RUBCNL: variants seen among roughly 807,000 people sequenced by gnomAD.
RUBCNL encodes the protein rubicon like autophagy enhancer, also known as protein associated with UVRAG as autophagy enhancer.
RUBCNL carries 62 observed loss-of-function variants against 69.5 expected under a neutral mutation model. That is an observed-to-expected ratio of 0.89 (90% CI 0.73 to 1.10). The LOEUF is 1.10. Among genes scored for constraint, RUBCNL ranks in the 50% least tolerant of loss-of-function variants. The pLI is 0.00. For synonymous variants in RUBCNL, 291 were observed against 303.6 expected (o/e 0.96, Z 0.43); for missense variants, 768 against 798.1 (o/e 0.96, Z 0.45).
intron 5 of RUBCNL, among the ~76,000 whole-genome samples, chr13:46,363,654 T>G (rs937194037): frequency 3.3e-5 from 5 of 151,788 alleles, no homozygotes; most frequent in Middle Eastern, 3.2e-3. Context: ...GGAGTTCAAG[T>G]CCAGCCTGGG....
chr13:46,350,105 C>A lies in RUBCNL; in HGVS notation c.1569+8G>T, dbSNP rs376183982. The A allele has an allele frequency of 1.3e-6, 2 of 1,539,612 alleles. No individual in the cohort carries two copies. Among genetic ancestry groups the A allele is most frequent in the South Asian group, 1.2e-5 (1 of 84,042 alleles). On this transcript the variant is annotated splice_region_variant and intron_variant, in intron 11 of 14. Coordinates refer to ENST00000429979, the MANE Select transcript of RUBCNL (RefSeq NM_025113.5). ...AATGAGAGGGATGGGGTTGGGGCTG[C>A]GGCTCACCTTCACTCTGTCCAGCTC...
chr13:46,360,388 A>G (rs1402542770), intron 8 of RUBCNL, among the ~76,000 whole-genome samples: 1 of 152,240 alleles, frequency 6.6e-6, no homozygotes, highest in African/African-American at 2.4e-5. Context: ...TCAAATTAGC[A>G]TTCTACATCC....
chr13:46,351,955 G>A (rs2477602), intron 10 of RUBCNL, among the ~76,000 whole-genome samples: 60,811 of 150,872 alleles, frequency 0.4, 12,950 homozygotes, highest in East Asian at 0.59. Context: ...CAGCCTCCCC[G>A]GTAGTTGGGA....
At chr13:46,365,814 A>G (rs1250115546) in intron 5 of RUBCNL, among the ~76,000 whole-genome samples, 9 of 152,238 alleles carry the variant, frequency 5.9e-5, no homozygotes, top group African/African-American at 2.2e-4. Context: ...AAAGCTCAGC[A>G]AGCCATTATA....
At position 46,341,635 on chromosome 13, in the gene RUBCNL, C is replaced by CT. The variant is rs1160106969; in HGVS notation, c.*1749dup. 5.3e-5 allele frequency among the ~76,000 whole-genome samples: 8 copies of CT among 152,220 alleles called. No homozygotes were observed. Among genetic ancestry groups the CT allele is most frequent in the African/African-American group, 1.9e-4 (8 of 41,466 alleles). On this transcript the variant is annotated 3_prime_UTR_variant, in exon 15 of 15. Transcript: ENST00000429979. ...TGAGCACAGAGCCCTTCAAGCAATG[C>CT]TTGAGCCATAGCAGCTGCCTTAAAT...
chr13:46,338,919 T>C lies in RUBCNL; in HGVS notation c.*4466A>G, dbSNP rs527672438. On this transcript the variant is annotated 3_prime_UTR_variant, in exon 15 of 15. Transcript: ENST00000429979. ...AAAATTAGCTGGGCATGGTGGCACA[T>C]GCCTGTGGTCCCAGCTACTAGGGAA... Among the ~76,000 whole-genome samples the C allele has an allele frequency of 1.4e-4, 21 of 151,952 alleles. No homozygotes were observed. The highest frequency in any genetic ancestry group is 2.5e-4 in the Non-Finnish European group (17 of 67,986).
chr13:46,373,772 T>C (rs2048930634), intron 2 of RUBCNL, among the ~76,000 whole-genome samples: 1 of 152,230 alleles, frequency 6.6e-6, no homozygotes, highest in South Asian at 2.1e-4. Flanking sequence ...GGGCTGTAAA[T>C]ACCATTGCTG....
intron 12 of RUBCNL, among the ~76,000 whole-genome samples, chr13:46,347,531 A>G (rs2048272808): frequency 6.6e-6 from 1 of 152,206 alleles, no homozygotes; most frequent in Non-Finnish European, 1.5e-5. Flanking sequence ...TTGGTTAGAC[A>G]TGCCTCCCTA....
In RUBCNL at chr13:46,338,552, G is replaced by A. The variant is rs1198921204; in HGVS notation, c.*4833C>T. Among the ~76,000 whole-genome samples, 2 of 152,232 alleles carry A rather than the reference G, an allele frequency of 1.3e-5. No individual in the cohort carries two copies. Among genetic ancestry groups the A allele is most frequent in the South Asian group, 2.1e-4 (1 of 4,824 alleles). On this transcript the variant is annotated 3_prime_UTR_variant, in exon 15 of 15. Transcript: ENST00000429979. ...AACAGGAGGGGTGGGGGCTTTGGGTGCGCTTGCCCTTTGTCTCCTCACCAA... is the reference window on the plus strand; with the variant it reads ...AACAGGAGGGGTGGGGGCTTTGGGTACGCTTGCCCTTTGTCTCCTCACCAA...
rs1387641394 is a variant in RUBCNL at position 46,345,617 on chromosome 13, A to G, written c.1632-17T>C. 2 of 1,612,412 alleles carry G rather than the reference A, an allele frequency of 1.2e-6. No individual in the cohort carries two copies. The highest frequency in any genetic ancestry group is 4.5e-5 in the East Asian group (2 of 44,844). Reference sequence around the variant, plus strand: ...TTTAATGCACTGCCAGAGAGGAAACAAAGAGGAATTCAGAAACCCACCCAC... The same window carrying G: ...TTTAATGCACTGCCAGAGAGGAAACGAAGAGGAATTCAGAAACCCACCCAC... On this transcript the variant is annotated splice_polypyrimidine_tract_variant and intron_variant, in intron 12 of 14. Transcript: ENST00000429979.
intron 3 of RUBCNL, 72 bp from the exon 4 acceptor site, chr13:46,368,887 A>G (rs2138789180): frequency 1.9e-6 from 2 of 1,069,294 alleles, no homozygotes; most frequent in Admixed American, 2.1e-5. Context: ...TAAAACAATT[A>G]TAGGAAGTGG....
At position 46,349,317 on chromosome 13, in the gene RUBCNL, T is replaced by A. The variant is rs773347899; in HGVS notation, c.1600A>T (p.Lys534Ter). The A allele has an allele frequency of 1.9e-6, 3 of 1,613,728 alleles. No individual in the cohort carries two copies. The change falls in exon 12 of 15, where the codon AAG becomes TAG. Residue 534 changes from lysine (K) to a stop codon, truncating the protein, a stop_gained. Coordinates refer to ENST00000429979, the MANE Select transcript of RUBCNL (RefSeq NM_025113.5). LOFTEE classifies it high-confidence loss of function. ...EIQEQLFHIK[K>*]LLKTCRFANS... ...GCAAACCTACAGGTCTTCAACAGCTTCTTGATATGGAAGAGCTGCTCCTGA... is the reference window on the plus strand; with the variant it reads ...GCAAACCTACAGGTCTTCAACAGCTACTTGATATGGAAGAGCTGCTCCTGA...
intron 12 of RUBCNL, 54 bp downstream of exon 12, chr13:46,349,232 T>C (rs1031511069): frequency 4.0e-6 from 6 of 1,500,802 alleles, no homozygotes; most frequent in South Asian, 2.3e-5. Context: ...GAGGCACTAA[T>C]AGGATTAGCA....
chr13:46,345,304 A>T, intron 13 of RUBCNL, 143 bp downstream of exon 13: 1 of 980,134 alleles, frequency 1.0e-6, no homozygotes, highest in Non-Finnish European at 1.5e-6. Context: ...GTTACTTCAC[A>T]GCTCTGACCT....
In RUBCNL at chr13:46,343,357, A is replaced by G; in HGVS notation, c.*28T>C. On this transcript the variant is annotated 3_prime_UTR_variant, in exon 15 of 15. Transcript: ENST00000429979. ...TCGGTGTTATCATAAGGCATGTTGA[A>G]CAGTCTTTTTCACAGTACTCAGGGG... 6.2e-7 allele frequency: 1 copy of G among 1,607,610 alleles called. No homozygotes were observed. Among genetic ancestry groups the G allele is most frequent in the South Asian group, 1.1e-5 (1 of 89,878 alleles).
intron 7 of RUBCNL, among the ~76,000 whole-genome samples, chr13:46,362,080 A>C (rs1435486378): frequency 2.0e-5 from 3 of 151,684 alleles, no homozygotes; most frequent in Non-Finnish European, 4.4e-5. Flanking sequence ...ACAAAAAAAA[A>C]AAAAAAATTA....
Position 46,340,621 on chromosome 13 carries a change from A to C in RUBCNL, c.*2764T>G, listed in dbSNP as rs1042596588. 2.0e-5 allele frequency among the ~76,000 whole-genome samples: 3 copies of C among 152,194 alleles called. No individual in the cohort carries two copies. The highest frequency in any genetic ancestry group is 7.2e-5 in the African/African-American group (3 of 41,444). On this transcript the variant is annotated 3_prime_UTR_variant, in exon 15 of 15. Transcript: ENST00000429979. ...TAAAGAAAAGAGGTTAATTTGGCTT[A>C]TGGTTCTGCGGGCTGTACAAGCATC... is the stretch of plus-strand genomic sequence containing the variant.
At chr13:46,356,254 G>C (rs1028453421) in intron 10 of RUBCNL, among the ~76,000 whole-genome samples, 178 bp downstream of exon 10, 2 of 152,180 alleles carry the variant, frequency 1.3e-5, no homozygotes, top group African/African-American at 4.8e-5. Context: ...GGTCCTAGTT[G>C]ATCACACAGC....
chr13:46,335,260 GTTTTTTTTTT>G lies in RUBCNL; in HGVS notation c.*8115_*8124del, dbSNP rs764458781. Among the ~76,000 whole-genome samples the G allele has an allele frequency of 5.9e-5, 6 of 101,904 alleles. No individual in the cohort carries two copies. The highest frequency in any genetic ancestry group is 9.4e-5 in the Non-Finnish European group (5 of 53,466). The allele number at this position is 101,904 out of a possible 152,430, so 66.9% of individuals were successfully genotyped here. The stretch of plus-strand genomic sequence containing the variant: ...GTGTCTTTTTGTTGTTGTTGTTGTT[GTTTTTTTTTT>G]TTTTTTTTTTTTTTTAAGAGACAGG... On this transcript the variant is annotated 3_prime_UTR_variant, in exon 15 of 15. Coordinates refer to ENST00000429979, the MANE Select transcript of RUBCNL (RefSeq NM_025113.5).
Sources: allele counts gnomAD v4.1 joint callset (sites outside exome capture counted in the v4.1 genomes callset), GRCh38; gene constraint gnomAD v4.1.1; transcripts MANE v1.5; gene names NCBI Gene and HGNC (gene_info 2026-07-23, HGNC 2026-07-21).